TNRC6B: variants seen among roughly 807,000 people sequenced by gnomAD.
The protein encoded by TNRC6B is trinucleotide repeat-containing gene 6B protein.
In TNRC6B, 52 loss-of-function variants were observed where a neutral mutation model predicts 203.6. The ratio of observed to expected loss-of-function variants is 0.26; its 90% CI spans 0.20 to 0.32. The LOEUF (loss-of-function observed/expected upper bound fraction) is 0.32. Ranked by LOEUF, TNRC6B falls within the 10% of genes least tolerant of loss-of-function variation. TNRC6B has a pLI of 1.00. For missense variants in TNRC6B, 1,923 were observed against 2,286.2 expected (o/e 0.84, Z 3.24); for synonymous variants, 838 against 845.7 (o/e 0.99, Z 0.16).
At chr22:40,162,292 C>T in intron 4 of TNRC6B, among the ~76,000 whole-genome samples, 1 of 152,128 alleles carries the variant, frequency 6.6e-6, no homozygotes, top group East Asian at 1.9e-4. Context: ...GACGGGGTTT[C>T]ACCGTGTTAG....
chr22:40,118,098 G>A (rs73428266), intron 2 of TNRC6B, among the ~76,000 whole-genome samples: 8,594 of 151,974 alleles, frequency 0.057, 771 homozygotes, highest in African/African-American at 0.19. Context: ...TAATATGAGG[G>A]GTCCAGGGTA....
intron 3 of TNRC6B, among the ~76,000 whole-genome samples, chr22:40,256,745 TG>T (rs753986885): frequency 8.5e-5 from 13 of 152,114 alleles, no homozygotes; most frequent in African/African-American, 2.9e-4. Context: ...TGATCCCCCC[TG>T]ATCAAGAGTA....
rs559842793 is a variant in TNRC6B, at chr22:40,154,058, G to A, written c.46-2057G>A. ...CTATTCACAGGTGTGATCATAGAGC[G>A]CTACAGTCTTGAACTCCTAGGCTCA... On this transcript the variant is annotated intron_variant, in intron 3 of 23. Transcript: ENST00000301923. Among the ~76,000 whole-genome samples, 31 of 151,680 alleles carry A rather than the reference G, an allele frequency of 2.0e-4. 1 individual carries two copies. Among genetic ancestry groups the A allele is most frequent in the South Asian group, 1.0e-3 (5 of 4,784 alleles).
intron 1 of TNRC6B, among the ~76,000 whole-genome samples, chr22:40,210,710 T>G (rs1368993270): frequency 6.6e-6 from 1 of 152,216 alleles, no homozygotes; most frequent in African/African-American, 2.4e-5. Flanking sequence ...TAGCAAACAT[T>G]CATTGATAAC....
At chr22:40,249,564 CG>C (rs1429510035) in intron 2 of TNRC6B, among the ~76,000 whole-genome samples, 4 of 152,160 alleles carry the variant, frequency 2.6e-5, no homozygotes, top group Non-Finnish European at 5.9e-5. Flanking sequence ...TCCAGCTTCT[CG>C]CCGTCTGGGG....
At chr22:40,111,536 C>T (rs2068335221) in intron 1 of TNRC6B, among the ~76,000 whole-genome samples, 1 of 152,120 alleles carries the variant, frequency 6.6e-6, no homozygotes, top group Non-Finnish European at 1.5e-5. Flanking sequence ...GAAGTATATA[C>T]TAGAATAGTT....
chr22:40,059,319 GA>G (rs1428803676), intron 1 of TNRC6B, among the ~76,000 whole-genome samples: 6 of 152,160 alleles, frequency 3.9e-5, no homozygotes, highest in Non-Finnish European at 7.4e-5. Flanking sequence ...TGATGATAAT[GA>G]ATTACGTAGA....
intron 1 of TNRC6B, among the ~76,000 whole-genome samples, chr22:40,087,227 A>G (rs1320637464): frequency 6.6e-6 from 1 of 152,244 alleles, no homozygotes; most frequent in African/African-American, 2.4e-5. Context: ...ATTATGAATC[A>G]AGTTAGAGGA....
rs543034259 is a variant in TNRC6B at position 40,265,001 on chromosome 22, G to A, written c.771G>A (p.Gly257=). The A allele has an allele frequency of 9.3e-6, 15 of 1,613,908 alleles. No homozygotes were observed. The highest frequency in any genetic ancestry group is 1.3e-5 in the Non-Finnish European group (15 of 1,179,876). ...GTTCTGGGAACGAATGTAATCTTGGGGTCTGGAAATCTGACCCTAAGGCTA... is the reference window on the plus strand; with the variant it reads ...GTTCTGGGAACGAATGTAATCTTGGAGTCTGGAAATCTGACCCTAAGGCTA... ...SASSGNECNL[G]VWKSDPKAKS... Residue 257 remains glycine (G), a synonymous_variant, in exon 5 of 23, where the codon GGG becomes GGA. Transcript: ENST00000454349.
intron 1 of TNRC6B, among the ~76,000 whole-genome samples, chr22:40,205,159 C>T (rs2069463240): frequency 6.6e-6 from 1 of 152,172 alleles, no homozygotes; most frequent in South Asian, 2.1e-4. Flanking sequence ...GCTGAGTTCC[C>T]ACCTCATAGT....
intron 1 of TNRC6B, among the ~76,000 whole-genome samples, chr22:40,090,572 A>G (rs2146296548): frequency 6.6e-6 from 1 of 152,020 alleles, no homozygotes; most frequent in Middle Eastern, 3.4e-3. Context: ...AATTCTTTGT[A>G]TATTTTGGAT....
In TNRC6B at chr22:40,315,988, G is replaced by A. The variant is rs1356346490; in HGVS notation, c.4950G>A (p.Leu1650=). ...GCTCAGTTCGTCCTAGTTACTGGCT[G>A]GTTCTTCACAATCTCACCCCACAGG... ...DGGSVRPSYW[L]VLHNLTPQID... Residue 1650 remains leucine, a synonymous_variant, in exon 21 of 23, where the codon CTG becomes CTA. Transcript: ENST00000454349. 6.2e-7 allele frequency: 1 copy of A among 1,613,698 alleles called. No homozygotes were observed. The highest frequency in any genetic ancestry group is 8.5e-7 in the Non-Finnish European group (1 of 1,179,834).
chr22:40,201,423 T>G (rs2069410237), intron 1 of TNRC6B, among the ~76,000 whole-genome samples: 1 of 151,830 alleles, frequency 6.6e-6, no homozygotes, highest in Non-Finnish European at 1.5e-5. Context: ...TGGTGCATTT[T>G]CTTTTTCTTT....
intron 1 of TNRC6B, among the ~76,000 whole-genome samples, chr22:40,205,903 T>C (rs2069471074): frequency 6.6e-6 from 1 of 152,166 alleles, no homozygotes; most frequent in South Asian, 2.1e-4. Flanking sequence ...TTAAGGTGGA[T>C]TTTATTCTTC....
At chr22:40,177,769 A>C (rs1394669111), upstream of TNRC6B, among the ~76,000 whole-genome samples, 1 of 152,198 alleles carries the variant, frequency 6.6e-6, no homozygotes, top group Non-Finnish European at 1.5e-5. Context: ...GGAGAGTATG[A>C]GATAACAGCA....
intron 3 of TNRC6B, among the ~76,000 whole-genome samples, chr22:40,143,264 T>G (rs1336499214): frequency 6.6e-6 from 1 of 152,076 alleles, no homozygotes; most frequent in East Asian, 1.9e-4. Context: ...ACCCCGACTC[T>G]ACAAAAATAT....
rs766036706 is a variant in TNRC6B, at chr22:40,265,346, A to T, written c.1116A>T (p.Gly372=). Residue 372 remains glycine (G), a synonymous_variant, in exon 5 of 23, where the codon GGA becomes GGT. Coordinates refer to ENST00000454349, the MANE Select transcript of TNRC6B (RefSeq NM_001162501.2). Reference sequence around the variant, plus strand: ...AGGCTCAAATTCATAACACTGATGGACCAAAAAATGGAAACACTAACTCCT... The same window carrying T: ...AGGCTCAAATTCATAACACTGATGGTCCAAAAAATGGAAACACTAACTCCT... ...REQAQIHNTD[G]PKNGNTNSLN... 3.7e-6 allele frequency: 6 copies of T among 1,613,888 alleles called. No homozygotes were observed. The African/African-American group carries it at 8.0e-5, about 22-fold the overall frequency.
chr22:40,180,929 A>T (rs557695991), intron 1 of TNRC6B, among the ~76,000 whole-genome samples: 7 of 152,236 alleles, frequency 4.6e-5, no homozygotes, highest in Admixed American at 2.6e-4. Flanking sequence ...TGCTGGATCA[A>T]CTAGTGATAA....
intron 1 of TNRC6B, among the ~76,000 whole-genome samples, chr22:40,231,214 G>A (rs1235126069): frequency 6.6e-6 from 1 of 152,096 alleles, no homozygotes; most frequent in Non-Finnish European, 1.5e-5. Context: ...TCTTTTTATA[G>A]TTGCTGACTA....
Sources: allele counts gnomAD v4.1 joint callset (sites outside exome capture counted in the v4.1 genomes callset), GRCh38; gene constraint gnomAD v4.1.1; transcripts MANE v1.5; gene names NCBI Gene and HGNC (gene_info 2026-07-23, HGNC 2026-07-21).